CRY1: variants seen among roughly 807,000 people sequenced by gnomAD.
CRY1 encodes cryptochrome-1.
Under a neutral mutation model 76.0 loss-of-function variants are expected in CRY1, and 45 were observed. That is an observed-to-expected ratio of 0.59 (90% CI 0.47 to 0.76). The LOEUF is 0.76. Among genes scored for constraint, CRY1 ranks in the 30% least tolerant of loss-of-function variants. CRY1 has a pLI of 0.00. For synonymous variants in CRY1, 248 were observed against 244.0 expected, an observed-to-expected ratio of 1.02 and a Z score of -0.15; for missense variants, 587 against 716.4, an observed-to-expected ratio of 0.82 and a Z score of 2.06.
At chr12:107,053,762 G>A (rs1489448310) in intron 1 of CRY1, among the ~76,000 whole-genome samples, 2 of 152,170 alleles carry the variant, frequency 1.3e-5, no homozygotes, top group Middle Eastern at 3.2e-3. Context: ...TAAATACAAA[G>A]AAACTCAGAC....
intron 7 of CRY1, among the ~76,000 whole-genome samples, chr12:106,998,812 G>A (rs1292706800): frequency 6.6e-6 from 1 of 152,014 alleles, no homozygotes; most frequent in African/African-American, 2.4e-5. Flanking sequence ...GGAGGCTGAG[G>A]CAGGGGGATC....
chr12:107,067,429 T>C (rs1421201260), intron 1 of CRY1, among the ~76,000 whole-genome samples: 1 of 152,138 alleles, frequency 6.6e-6, no homozygotes, highest in Admixed American at 6.5e-5. Context: ...CTCCCTTTTA[T>C]CCCTTGGGAT....
chr12:107,012,647 T>G (rs1016578673), intron 2 of CRY1, among the ~76,000 whole-genome samples: 3 of 152,356 alleles, frequency 2.0e-5, no homozygotes, highest in Non-Finnish European at 4.4e-5. Context: ...TTTGTAAGGC[T>G]ATAGCTGCCA....
intron 1 of CRY1, among the ~76,000 whole-genome samples, chr12:107,059,404 T>A (rs908679537): frequency 3.3e-5 from 5 of 152,210 alleles, no homozygotes; most frequent in Admixed American, 3.3e-4. Flanking sequence ...GGCACCACCA[T>A]ACTTGTCTAA....
At chr12:107,056,994 AATGAT>A (rs1952991525) in intron 1 of CRY1, among the ~76,000 whole-genome samples, 1 of 152,172 alleles carries the variant, frequency 6.6e-6, no homozygotes, top group African/African-American at 2.4e-5. Context: ...AAAAATTCTA[AATGAT>A]ATATTTTAGG....
At chr12:107,005,947 GTT>G (rs975112085) in intron 2 of CRY1, among the ~76,000 whole-genome samples, 2 of 148,880 alleles carry the variant, frequency 1.3e-5, no homozygotes, top group African/African-American at 4.9e-5. Context: ...TAAGGAGAAA[GTT>G]TTTTTTTTAT....
intron 1 of CRY1, among the ~76,000 whole-genome samples, chr12:107,046,363 T>G (rs1357529121): frequency 6.7e-6 from 1 of 150,268 alleles, no homozygotes; most frequent in African/African-American, 2.4e-5. Flanking sequence ...CACGTAAATA[T>G]GCACAAGTAT....
At position 107,093,371 on chromosome 12, in the gene CRY1, A is replaced by C; in HGVS notation, c.-410T>G. The C allele has an allele frequency of 5.9e-6, 1 of 169,260 alleles. No individual in the cohort carries two copies. The highest frequency in any genetic ancestry group is 2.4e-5 in the African/African-American group (1 of 42,142). 10.5% of individuals were successfully genotyped at this position (169,260 alleles called of 1,614,324 possible). Reference sequence around the variant, plus strand: ...CTCGCCCCACCAAGGCGGCCCCTAAAGACAAAACGGCCCGCCCGAGGTGAG... The same window carrying C: ...CTCGCCCCACCAAGGCGGCCCCTAACGACAAAACGGCCCGCCCGAGGTGAG... On this transcript the variant is annotated 5_prime_UTR_variant, in exon 1 of 13. Coordinates refer to ENST00000008527, the MANE Select transcript of CRY1 (RefSeq NM_004075.5).
intron 1 of CRY1, among the ~76,000 whole-genome samples, chr12:107,061,499 C>T (rs1458791367): frequency 6.6e-6 from 1 of 152,000 alleles, no homozygotes. Context: ...CCTGCCTCAG[C>T]CTCCTGGGTA....
At chr12:107,068,207 C>G (rs1030529251) in intron 1 of CRY1, among the ~76,000 whole-genome samples, 1 of 152,068 alleles carries the variant, frequency 6.6e-6, no homozygotes, top group African/African-American at 2.4e-5. Context: ...TCATCTGGCC[C>G]TTTACATTAA....
At chr12:107,091,517 C>T (rs558496142) in intron 1 of CRY1, among the ~76,000 whole-genome samples, 1 of 152,242 alleles carries the variant, frequency 6.6e-6, no homozygotes, top group South Asian at 2.1e-4. Flanking sequence ...TGCTTCTTGT[C>T]CACCTCCACT....
At chr12:106,997,719 T>C (rs1952249519) in intron 8 of CRY1, 29 bp from the exon 9 acceptor site, 1 of 1,609,996 alleles carries the variant, frequency 6.2e-7, no homozygotes, top group Non-Finnish European at 8.5e-7. Flanking sequence ...AGATTACTAA[T>C]AAAATGCACT....
At chr12:107,069,788 C>T (rs1276714885) in intron 1 of CRY1, among the ~76,000 whole-genome samples, 4 of 146,562 alleles carry the variant, frequency 2.7e-5, no homozygotes, top group Non-Finnish European at 6.0e-5. Flanking sequence ...TAAACTTCGA[C>T]AAATAAAACT....
At chr12:107,019,738 A>G (rs970092323) in intron 2 of CRY1, among the ~76,000 whole-genome samples, 1 of 152,148 alleles carries the variant, frequency 6.6e-6, no homozygotes, top group African/African-American at 2.4e-5. Flanking sequence ...GACTAGCCTG[A>G]GCAACATAGC....
At chr12:107,030,315 C>T (rs557900190) in intron 1 of CRY1, among the ~76,000 whole-genome samples, 4 of 152,244 alleles carry the variant, frequency 2.6e-5, no homozygotes, top group South Asian at 2.1e-4. Context: ...GAATCTGAAA[C>T]TCACCAAGGA....
At chr12:107,027,564 T>C (rs533875624) in intron 1 of CRY1, among the ~76,000 whole-genome samples, 12 of 152,300 alleles carry the variant, frequency 7.9e-5, no homozygotes, top group Non-Finnish European at 1.0e-4. Context: ...CCACTTTAAA[T>C]TGAAGAGGCA....
intron 1 of CRY1, among the ~76,000 whole-genome samples, chr12:107,039,506 A>G (rs894978475): frequency 2.6e-5 from 4 of 152,338 alleles, no homozygotes; most frequent in African/African-American, 9.6e-5. Flanking sequence ...AAAATGGGCT[A>G]TGCATTTGAA....
chr12:107,030,185 C>T (rs928008874), intron 1 of CRY1, among the ~76,000 whole-genome samples: 1 of 152,160 alleles, frequency 6.6e-6, no homozygotes. Flanking sequence ...CTTGATTCAA[C>T]AGTCAATGAA....
intron 1 of CRY1, among the ~76,000 whole-genome samples, chr12:107,059,425 GT>G (rs1565839541): frequency 6.6e-6 from 1 of 151,710 alleles, no homozygotes; most frequent in East Asian, 1.9e-4. Flanking sequence ...TTTTTTTTCC[GT>G]TTTTTTAGTA....
Sources: allele counts gnomAD v4.1 joint callset (sites outside exome capture counted in the v4.1 genomes callset), GRCh38; gene constraint gnomAD v4.1.1; transcripts MANE v1.5; gene names NCBI Gene and HGNC (gene_info 2026-07-23, HGNC 2026-07-21).